Variants in APPL2 observed in about 807,000 individuals in gnomAD.
APPL2 encodes the protein adaptor protein, phosphotyrosine interacting with PH domain and leucine zipper 2.
A neutral mutation model predicts 92.7 loss-of-function variants in APPL2; 84 were observed. The ratio of observed to expected loss-of-function variants is 0.91; its 90% CI spans 0.76 to 1.09. The LOEUF (loss-of-function observed/expected upper bound fraction) is 1.09. Among genes scored for constraint, APPL2 ranks in the 50% least tolerant of loss-of-function variants. The probability of loss-of-function intolerance (pLI) is 0.00; values close to 1 mark genes in which losing one functional copy is unlikely to be tolerated. For synonymous variants in APPL2, 291 were observed against 291.0 expected, an observed-to-expected ratio of 1.00 and a Z score of 0.00; for missense variants, 736 against 824.5, an observed-to-expected ratio of 0.89 and a Z score of 1.31.
intron 9 of APPL2, among the ~76,000 whole-genome samples, chr12:105,200,320 G>A (rs147263704): frequency 2.5e-4 from 38 of 152,382 alleles, no homozygotes; most frequent in African/African-American, 9.1e-4. Context: ...TTAGGCAGGA[G>A]TGGTGGTGAC....
chr12:105,189,642 C>T, intron 16 of APPL2, 130 bp downstream of exon 16: 26 of 1,109,700 alleles, frequency 2.3e-5, no homozygotes, highest in Non-Finnish European at 3.3e-5. Context: ...TCTTACTAAA[C>T]TTTCAGAACA....
At chr12:105,207,345 C>G in intron 7 of APPL2, 138 bp from the exon 8 acceptor site, 1 of 907,158 alleles carries the variant, frequency 1.1e-6, no homozygotes, top group South Asian at 1.8e-5. Flanking sequence ...TAAGGCTGCA[C>G]TTCAACTTTC....
In APPL2 at chr12:105,211,211, T is replaced by C. The variant is rs928358920; in HGVS notation, c.373+19A>G. On this transcript the variant is annotated intron_variant, in intron 5 of 20. Coordinates refer to ENST00000258530, the MANE Select transcript of APPL2 (RefSeq NM_018171.5). ...CACAATATTTTGAAGGTAACTGGCA[T>C]TGAACTCAGTTACTTTACCTGTGAG... The C allele has an allele frequency of 3.2e-6, 5 of 1,549,996 alleles. No individual in the cohort carries two copies. The highest frequency in any genetic ancestry group is 3.6e-6 in the Non-Finnish European group (4 of 1,122,604).
Position 105,218,948 on chromosome 12 carries a change from C to T in APPL2, c.154-1223G>A, listed in dbSNP as rs7133728. ...ATTCCTCTAATCTCTGGCTACACAG[C>T]GGTTTTCTACCACTATCCTCCTACC... is the stretch of plus-strand genomic sequence containing the variant. On this transcript the variant is annotated intron_variant, in intron 2 of 20. Transcript: ENST00000258530. 7.2e-5 allele frequency among the ~76,000 whole-genome samples: 11 copies of T among 152,124 alleles called. 1 individual carries two copies. The highest frequency in any genetic ancestry group is 1.4e-4 in the African/African-American group (6 of 41,402).
chr12:105,207,014 C>A (rs368500631), intron 8 of APPL2, 47 bp downstream of exon 8: 2 of 1,591,788 alleles, frequency 1.3e-6, no homozygotes, highest in East Asian at 2.2e-5. Flanking sequence ...CTCAGCAGAA[C>A]GCCACAGCTA....
At chr12:105,207,828 T>TC in intron 7 of APPL2, 143 bp downstream of exon 7, 3 of 696,948 alleles carry the variant, frequency 4.3e-6, no homozygotes, top group Admixed American at 2.8e-5. Context: ...ACTTATGAGA[T>TC]TTGGAATGAA....
At chr12:105,232,205 T>C (rs192920315) in intron 1 of APPL2, among the ~76,000 whole-genome samples, 86 of 152,280 alleles carry the variant, frequency 5.6e-4, no homozygotes, top group African/African-American at 2.0e-3. Context: ...TTGCCAAAAG[T>C]AACAGTAGCA....
At chr12:105,230,965 A>G (rs79011831) in intron 1 of APPL2, among the ~76,000 whole-genome samples, 2,997 of 152,374 alleles carry the variant, frequency 0.02, 36 homozygotes, top group Admixed American at 0.03. Context: ...TGAACTTTCA[A>G]AAATTCATAA....
intron 11 of APPL2, among the ~76,000 whole-genome samples, chr12:105,196,632 G>C (rs1346214253): frequency 1.3e-5 from 2 of 151,902 alleles, no homozygotes; most frequent in Non-Finnish European, 2.9e-5. Context: ...GTAGAGACGG[G>C]GTTTCTCCAT....
intron 9 of APPL2, among the ~76,000 whole-genome samples, chr12:105,203,189 G>C (rs1308705365): frequency 6.6e-6 from 1 of 152,240 alleles, no homozygotes; most frequent in Non-Finnish European, 1.5e-5. Flanking sequence ...TGGAAGCTGG[G>C]GAGGGGCGGG....
chr12:105,207,257 A>G (rs1888801581), intron 7 of APPL2, 50 bp from the exon 8 acceptor site: 1 of 1,552,292 alleles, frequency 6.4e-7, no homozygotes, highest in Non-Finnish European at 8.7e-7. Flanking sequence ...GTACGTGACA[A>G]TTCTGTAAAA....
chr12:105,216,054 T>C (rs989871344), intron 4 of APPL2, among the ~76,000 whole-genome samples: 7 of 152,084 alleles, frequency 4.6e-5, no homozygotes, highest in African/African-American at 1.4e-4. Flanking sequence ...ATGGAACTAT[T>C]TATATCTACC....
intron 11 of APPL2, among the ~76,000 whole-genome samples, 156 bp from the exon 12 acceptor site, chr12:105,195,783 A>C (rs1887587695): frequency 6.6e-6 from 1 of 152,176 alleles, no homozygotes; most frequent in Non-Finnish European, 1.5e-5. Context: ...GGCCAGGTGC[A>C]GTGGCTCATG....
rs1592743829 is a variant in APPL2, at chr12:105,174,172, G to GT, written c.*141dup. ...TTCTTAGTTTCCCTCCCAAGTCTCA[G>GT]TATCAAGGCATCAAGATTACATTCC... On this transcript the variant is annotated 3_prime_UTR_variant, in exon 21 of 21. Coordinates refer to ENST00000258530, the MANE Select transcript of APPL2 (RefSeq NM_018171.5). 8 of 1,007,608 alleles carry GT rather than the reference G, an allele frequency of 7.9e-6. No individual in the cohort carries two copies. Among genetic ancestry groups the GT allele is most frequent in the Non-Finnish European group, 1.1e-5 (8 of 709,806 alleles). 62.4% of individuals were successfully genotyped at this position (1,007,608 alleles called of 1,614,324 possible).
chr12:105,227,832 A>T (rs1002760182), intron 2 of APPL2, among the ~76,000 whole-genome samples: 6 of 152,022 alleles, frequency 3.9e-5, no homozygotes, highest in Non-Finnish European at 7.4e-5. Context: ...AACAATACCC[A>T]CCTCAGAGTT....
At chr12:105,231,805 T>G (rs964902813) in intron 1 of APPL2, among the ~76,000 whole-genome samples, 2 of 152,242 alleles carry the variant, frequency 1.3e-5, no homozygotes, top group African/African-American at 2.4e-5. Context: ...GGTCTTCCCT[T>G]TTTAATTTAA....
intron 9 of APPL2, among the ~76,000 whole-genome samples, chr12:105,200,142 C>T (rs1239573949): frequency 6.6e-6 from 1 of 152,132 alleles, no homozygotes; most frequent in Non-Finnish European, 1.5e-5. Flanking sequence ...CTGAACCCAG[C>T]TAAACAGTTT....
intron 17 of APPL2, among the ~76,000 whole-genome samples, chr12:105,183,276 T>C (rs1284309079): frequency 2.0e-5 from 3 of 152,314 alleles, no homozygotes; most frequent in Non-Finnish European, 2.9e-5. Context: ...AATATTGTTA[T>C]GTGTGAATGT....
At chr12:105,204,249 T>C (rs377360187) in intron 8 of APPL2, among the ~76,000 whole-genome samples, 9 of 152,180 alleles carry the variant, frequency 5.9e-5, no homozygotes, top group South Asian at 4.1e-4. Flanking sequence ...ACAGTAACAG[T>C]TGCAAGCCTA....
Sources: allele counts gnomAD v4.1 joint callset (sites outside exome capture counted in the v4.1 genomes callset), GRCh38; gene constraint gnomAD v4.1.1; transcripts MANE v1.5; gene names NCBI Gene and HGNC (gene_info 2026-07-23, HGNC 2026-07-21).